SEPTIN9: variants seen among roughly 807,000 people sequenced by gnomAD.
The protein encoded by SEPTIN9 is septin 9.
SEPTIN9 carries 13 observed loss-of-function variants against 56.6 expected under a neutral mutation model. The ratio of observed to expected loss-of-function variants is 0.23; its 90% CI spans 0.15 to 0.37. SEPTIN9 has a LOEUF of 0.37. Among genes scored for constraint, SEPTIN9 ranks in the 10% least tolerant of loss-of-function variants. The pLI is 1.00. For synonymous variants in SEPTIN9, 332 were observed against 334.1 expected, an observed-to-expected ratio of 0.99 and a Z score of 0.07; for missense variants, 650 against 823.1, an observed-to-expected ratio of 0.79 and a Z score of 2.57.
chr17:77,324,779 A>T (rs2033068335), intron 2 of SEPTIN9, among the ~76,000 whole-genome samples: 1 of 148,232 alleles, frequency 6.7e-6, no homozygotes, highest in African/African-American at 2.5e-5. Flanking sequence ...CATTCCATGG[A>T]TTGCCTTCTC....
chr17:77,353,003 A>G (rs1434181185), intron 2 of SEPTIN9, among the ~76,000 whole-genome samples: 1 of 152,200 alleles, frequency 6.6e-6, no homozygotes, highest in Admixed American at 6.5e-5. Flanking sequence ...CTCTGATTCA[A>G]TATGCCCTCA....
chr17:77,295,086 C>T (rs2031750201), intron 1 of SEPTIN9, among the ~76,000 whole-genome samples: 1 of 152,206 alleles, frequency 6.6e-6, no homozygotes, highest in Non-Finnish European at 1.5e-5. Context: ...TCCGTTTCCA[C>T]CTCACACAAG....
intron 11 of SEPTIN9, chr17:77,497,578 C>T: frequency 1.6e-6 from 1 of 616,290 alleles, no homozygotes; most frequent in Non-Finnish European, 2.9e-6. Flanking sequence ...TCCTTTTCAA[C>T]CCCTGCGAAG....
At chr17:77,458,846 C>T (rs1030243618) in intron 3 of SEPTIN9, among the ~76,000 whole-genome samples, 5 of 152,170 alleles carry the variant, frequency 3.3e-5, no homozygotes, top group Non-Finnish European at 7.3e-5. Flanking sequence ...GGCCTTGTGG[C>T]GCAGGAGTGT....
chr17:77,451,961 G>A lies in SEPTIN9; in HGVS notation c.722-30183G>A, dbSNP rs1695380257. Among the ~76,000 whole-genome samples, 1 of 152,188 alleles carries A rather than the reference G, an allele frequency of 6.6e-6. No individual in the cohort carries two copies. Among genetic ancestry groups the A allele is most frequent in the Admixed American group, 6.5e-5 (1 of 15,280 alleles). On this transcript the variant is annotated intron_variant, in intron 3 of 11. Transcript: ENST00000427177. This position sits in a 1 kb window ranked among gnomAD's most constrained non-coding sequence, Gnocchi z 4.2. ...TCCGCTCAAGTTATCACCCCTCTGG[G>A]CTCCCGAAGACCGGCTGGCTGGAGG...
intron 2 of SEPTIN9, among the ~76,000 whole-genome samples, chr17:77,342,622 G>C (rs1003320492): frequency 6.6e-6 from 1 of 152,200 alleles, no homozygotes; most frequent in South Asian, 2.1e-4. Flanking sequence ...TTAACTGTAA[G>C]AGGTAGTTAA....
At chr17:77,350,679 C>T (rs554760303) in intron 2 of SEPTIN9, among the ~76,000 whole-genome samples, 11 of 148,944 alleles carry the variant, frequency 7.4e-5, no homozygotes, top group East Asian at 2.0e-4. Context: ...AAATAATTCC[C>T]GTCCAAGTGC....
Position 77,436,492 on chromosome 17 carries a change from C to T in SEPTIN9, c.721+33789C>T, listed in dbSNP as rs1338011154. Reference sequence around the variant, plus strand: ...GGGACGGGGGCGGGGCTGGAGCCAGCGGGGTGGGGGTATCCAGCAAGAGCT... The same window carrying T: ...GGGACGGGGGCGGGGCTGGAGCCAGTGGGGTGGGGGTATCCAGCAAGAGCT... On this transcript the variant is annotated intron_variant, in intron 3 of 11. Transcript: ENST00000427177. The surrounding 1 kb of genome is among the most constrained non-coding windows in gnomAD (Gnocchi z 4.4). 6.6e-6 allele frequency among the ~76,000 whole-genome samples: 1 copy of T among 151,626 alleles called. No individual in the cohort carries two copies. The highest frequency in any genetic ancestry group is 6.6e-5 in the Admixed American group (1 of 15,258).
rs2032774880 is a variant in SEPTIN9, at chr17:77,318,144, C to T, written c.76+10947C>T. Among the ~76,000 whole-genome samples the T allele has an allele frequency of 6.6e-6, 1 of 152,128 alleles. No individual in the cohort carries two copies. The highest frequency in any genetic ancestry group is 2.4e-5 in the African/African-American group (1 of 41,420). On this transcript the variant is annotated intron_variant, in intron 2 of 11. Coordinates refer to ENST00000427177, the MANE Select transcript of SEPTIN9 (RefSeq NM_001113491.2). The surrounding 1 kb of genome is among the most constrained non-coding windows in gnomAD (Gnocchi z 4.9). ...CCCTGGTCTGTGGAAAAATTGTCTT[C>T]CCTGAAACCGATCCCAGGTGCCAAA... is the stretch of plus-strand genomic sequence containing the variant.
chr17:77,307,221 C>T (rs748520786), intron 2 of SEPTIN9, 24 bp downstream of exon 2: 9 of 1,605,260 alleles, frequency 5.6e-6, no homozygotes, highest in Non-Finnish European at 7.7e-6. Context: ...TCCGCTCTGG[C>T]CCCACCCAGC....
chr17:77,436,650 G>A lies in SEPTIN9; in HGVS notation c.721+33947G>A, dbSNP rs1033243837. 4.6e-5 allele frequency among the ~76,000 whole-genome samples: 7 copies of A among 152,198 alleles called. No homozygotes were observed. Among genetic ancestry groups the A allele is most frequent in the Admixed American group, 1.3e-4 (2 of 15,286 alleles). On this transcript the variant is annotated intron_variant, in intron 3 of 11. Coordinates refer to ENST00000427177, the MANE Select transcript of SEPTIN9 (RefSeq NM_001113491.2). The surrounding 1 kb of genome is among the most constrained non-coding windows in gnomAD (Gnocchi z 4.4). ...AGGGAGTGACCTGGCCCCTGGCCCCGGCCACCTACACCTCCTGTTTTGCTG... is the reference window on the plus strand; with the variant it reads ...AGGGAGTGACCTGGCCCCTGGCCCCAGCCACCTACACCTCCTGTTTTGCTG...
In SEPTIN9 at chr17:77,450,675, G is replaced by C. The variant is rs1039883032; in HGVS notation, c.722-31469G>C. 5.1e-6 allele frequency: 5 copies of C among 986,166 alleles called. No homozygotes were observed. Among genetic ancestry groups the C allele is most frequent in the Admixed American group, 6.1e-5 (1 of 16,268 alleles). 61.1% of individuals were successfully genotyped at this position (986,166 alleles called of 1,614,324 possible). ...CAGCACATCCCAGGCCTGCAGGGAG[G>C]GGGAGAGGAAGAGACTGACTCACTG... On this transcript the variant is annotated intron_variant, in intron 3 of 11. Coordinates refer to ENST00000427177, the MANE Select transcript of SEPTIN9 (RefSeq NM_001113491.2). The surrounding 1 kb of genome is among the most constrained non-coding windows in gnomAD (Gnocchi z 6.0).
Position 77,499,221 on chromosome 17 carries a change from C to T in SEPTIN9, c.*563C>T. ...TCCTAAGGGTAGAAAACTCCAGGGT[C>T]CCCTGCCACCGACTGCCCAGCCACT... On this transcript the variant is annotated 3_prime_UTR_variant, in exon 12 of 12. Coordinates refer to ENST00000427177, the MANE Select transcript of SEPTIN9 (RefSeq NM_001113491.2). 1.7e-6 allele frequency: 1 copy of T among 574,870 alleles called. No individual in the cohort carries two copies. The highest frequency in any genetic ancestry group is 1.5e-5 in the South Asian group (1 of 68,550). 35.6% of individuals were successfully genotyped at this position (574,870 alleles called of 1,614,324 possible). A position where few individuals can be genotyped will look rare whatever the true frequency, so the allele number is the denominator to read the frequency against.
At chr17:77,438,706 T>G (rs982250994) in intron 3 of SEPTIN9, among the ~76,000 whole-genome samples, 2 of 152,222 alleles carry the variant, frequency 1.3e-5, no homozygotes, top group African/African-American at 4.8e-5. Context: ...ACACCTTCCC[T>G]GTAGCCTAGT....
chr17:77,282,616 T>C (rs71384155), intron 1 of SEPTIN9, among the ~76,000 whole-genome samples: 23,717 of 152,178 alleles, frequency 0.16, 1,896 homozygotes, highest in Middle Eastern at 0.24. Context: ...TAAAGTACCT[T>C]GTCTCAAAGA....
In SEPTIN9 at chr17:77,327,239, A is replaced by T. The variant is rs2033171421; in HGVS notation, c.76+20042A>T. ...AGTGGTCTCGCTGGCTGCTGCCCTC[A>T]GGTTAGTTTATTTTTACCCGGCCTG... On this transcript the variant is annotated intron_variant, in intron 2 of 11. Coordinates refer to ENST00000427177, the MANE Select transcript of SEPTIN9 (RefSeq NM_001113491.2). The surrounding 1 kb of genome is among the most constrained non-coding windows in gnomAD (Gnocchi z 5.0). 6.6e-6 allele frequency among the ~76,000 whole-genome samples: 1 copy of T among 151,042 alleles called. No homozygotes were observed. The highest frequency in any genetic ancestry group is 2.1e-4 in the South Asian group (1 of 4,742).
intron 1 of SEPTIN9, among the ~76,000 whole-genome samples, chr17:77,301,926 C>T (rs1381957407): frequency 6.6e-6 from 1 of 152,196 alleles, no homozygotes; most frequent in African/African-American, 2.4e-5. Flanking sequence ...AGCCCCATCC[C>T]TGCTCTGCCC....
chr17:77,485,341 G>C (rs111067567), intron 4 of SEPTIN9, among the ~76,000 whole-genome samples: 57,614 of 145,178 alleles, frequency 0.4, 11,386 homozygotes, highest in Middle Eastern at 0.59. Flanking sequence ...GATGATGGTG[G>C]TGTTGATGGT....
intron 3 of SEPTIN9, among the ~76,000 whole-genome samples, chr17:77,410,417 C>T (rs2036251464): frequency 6.6e-6 from 1 of 152,196 alleles, no homozygotes; most frequent in Non-Finnish European, 1.5e-5. Flanking sequence ...TGTCTGAAAC[C>T]TGGAACTGGA....
Sources: gnomAD v4.1 joint callset for allele counts (sites outside exome capture counted in the v4.1 genomes callset) on GRCh38, gnomAD v4.1.1 for gene constraint, Gnocchi (gnomAD v3.1) non-coding constraint, MANE v1.5 for transcripts, NCBI Gene and HGNC (gene_info 2026-07-23, HGNC 2026-07-21) for gene names.